ERC2: variants seen among roughly 807,000 people sequenced by gnomAD.
ERC2 encodes ELKS/RAB6-interacting/CAST family member 2.
ERC2 carries 42 observed loss-of-function variants against 114.8 expected under a neutral mutation model. The observed-to-expected ratio is 0.37, with a 90% confidence interval of 0.29 to 0.47. The LOEUF (loss-of-function observed/expected upper bound fraction) is 0.47, where lower values mean the gene tolerates loss of function less well. Ranked by LOEUF, ERC2 falls within the 20% of genes least tolerant of loss-of-function variation. The pLI is 0.99. For missense variants in ERC2, 939 were observed against 1,150.7 expected (o/e 0.82, Z 2.66); for synonymous variants, 454 against 425.5 (o/e 1.07, Z -0.82).
chr3:56,335,504 T>C (rs2057808772), intron 2 of ERC2, among the ~76,000 whole-genome samples: 1 of 152,198 alleles, frequency 6.6e-6, no homozygotes, highest in Admixed American at 6.5e-5. Flanking sequence ...GCAACTCCAG[T>C]GTGCACTGTC....
chr3:55,811,291 G>A lies in ERC2; in HGVS notation c.2565-76373C>T, dbSNP rs185309460. On this transcript the variant is annotated intron_variant, in intron 14 of 17. Transcript: ENST00000288221. ...TGCCTTTTCTTAATTAATCCCAAAC[G>A]CAACCTTGACATTAAAGAACATCAT... Among the ~76,000 whole-genome samples the A allele has an allele frequency of 6.0e-4, 91 of 152,126 alleles. 1 individual carries two copies. In the South Asian group the frequency reaches 9.0e-3, roughly 15 times the overall value.
At chr3:55,915,309 C>T (rs937276330) in intron 13 of ERC2, among the ~76,000 whole-genome samples, 11 of 151,946 alleles carry the variant, frequency 7.2e-5, no homozygotes, top group Admixed American at 2.0e-4. Flanking sequence ...TTACAGAAGA[C>T]GTTTCCATAG....
At chr3:56,195,500 C>CGTGTGTGTGTGTGTGTGT (rs112067114) in intron 3 of ERC2, among the ~76,000 whole-genome samples, 1 of 149,924 alleles carries the variant, frequency 6.7e-6, no homozygotes, top group Non-Finnish European at 1.5e-5. Context: ...TGCGTGTGTG[C>CGTGTGTGTGTGTGTGTGT]GTGTGTGTGT....
chr3:56,450,824 T>G (rs1037201766), intron 1 of ERC2, among the ~76,000 whole-genome samples: 1 of 152,036 alleles, frequency 6.6e-6, no homozygotes, highest in Non-Finnish European at 1.5e-5. Context: ...CAGAGAGACC[T>G]TATCTCTAAA....
At chr3:56,054,601 C>T (rs2075919316) in intron 7 of ERC2, among the ~76,000 whole-genome samples, 1 of 152,166 alleles carries the variant, frequency 6.6e-6, no homozygotes, top group Admixed American at 6.5e-5. Flanking sequence ...TTTCATTCTC[C>T]TAATAATCCT....
chr3:55,993,113 A>G, intron 10 of ERC2, among the ~76,000 whole-genome samples: 1 of 152,156 alleles, frequency 6.6e-6, no homozygotes, highest in African/African-American at 2.4e-5. Context: ...ACAGATAGAA[A>G]TAACACTGCA....
intron 1 of ERC2, among the ~76,000 whole-genome samples, chr3:56,444,312 GA>G (rs1234518357): frequency 1.3e-5 from 2 of 152,024 alleles, no homozygotes; most frequent in Non-Finnish European, 2.9e-5. Context: ...GCAACTGTAA[GA>G]AGGGTAAATT....
intron 2 of ERC2, among the ~76,000 whole-genome samples, chr3:56,426,209 G>T (rs1290984362): frequency 1.3e-5 from 2 of 152,326 alleles, no homozygotes; most frequent in Non-Finnish European, 2.9e-5. Context: ...GTGGAAAGAA[G>T]GGAGCCTGAG....
chr3:55,815,181 T>C lies in ERC2; in HGVS notation c.2564+73208A>G, dbSNP rs2059863119. On this transcript the variant is annotated intron_variant, in intron 14 of 17. Transcript: ENST00000288221. ...AATAACTTCAATTAGGGTTCAAATA[T>C]ACCAAAGATGCCCATTTAGAAATGC... 2.0e-5 allele frequency among the ~76,000 whole-genome samples: 3 copies of C among 151,348 alleles called. No individual in the cohort carries two copies. The South Asian group carries it at 6.3e-4, about 32-fold the overall frequency.
chr3:55,776,454 C>T (rs922052176), intron 14 of ERC2, among the ~76,000 whole-genome samples: 3 of 152,094 alleles, frequency 2.0e-5, no homozygotes, highest in South Asian at 2.1e-4. Flanking sequence ...GCAGGGAAGC[C>T]GCTGAGTGGA....
chr3:56,167,645 A>G (rs978296671), intron 4 of ERC2, among the ~76,000 whole-genome samples: 1 of 152,174 alleles, frequency 6.6e-6, no homozygotes, highest in Non-Finnish European at 1.5e-5. Context: ...TTGGAAAATG[A>G]GAAGATAGAG....
chr3:56,006,578 G>C (rs1165231475), intron 10 of ERC2, among the ~76,000 whole-genome samples: 1 of 152,040 alleles, frequency 6.6e-6, no homozygotes, highest in Admixed American at 6.6e-5. Context: ...CCACAAAAAT[G>C]TCTGGGTCAG....
At chr3:55,780,032 A>G (rs2068914008) in intron 14 of ERC2, among the ~76,000 whole-genome samples, 1 of 152,232 alleles carries the variant, frequency 6.6e-6, no homozygotes, top group South Asian at 2.1e-4. Flanking sequence ...ACTAAGAATA[A>G]GAGCATATCT....
intron 14 of ERC2, among the ~76,000 whole-genome samples, chr3:55,790,925 G>C (rs150610519): frequency 2.0e-3 from 300 of 152,358 alleles, no homozygotes; most frequent in Non-Finnish European, 2.8e-3. Context: ...AAAAGACCAA[G>C]TTCACTTCAA....
At chr3:56,005,353 T>G (rs980071206) in intron 10 of ERC2, among the ~76,000 whole-genome samples, 1 of 152,170 alleles carries the variant, frequency 6.6e-6, no homozygotes, top group East Asian at 1.9e-4. Flanking sequence ...AATTTCAGTG[T>G]GTGGTGTCTA....
chr3:55,971,967 C>T (rs1335564539), intron 12 of ERC2, among the ~76,000 whole-genome samples: 1 of 152,144 alleles, frequency 6.6e-6, no homozygotes, highest in Non-Finnish European at 1.5e-5. Flanking sequence ...GTTACCTCCT[C>T]TCAATTCTTA....
At chr3:56,084,023 A>C (rs1474224609) in intron 6 of ERC2, among the ~76,000 whole-genome samples, 1 of 152,150 alleles carries the variant, frequency 6.6e-6, no homozygotes, top group Non-Finnish European at 1.5e-5. Context: ...AGAAAAAAAA[A>C]GAATAAAGAA....
At chr3:55,733,585 C>CAG (rs1360159340) in intron 15 of ERC2, among the ~76,000 whole-genome samples, 1 of 145,950 alleles carries the variant, frequency 6.9e-6, no homozygotes, top group African/African-American at 2.5e-5. Context: ...CACACACACA[C>CAG]ATTCTCTGTC....
chr3:56,382,382 T>C (rs1232093016), intron 2 of ERC2, among the ~76,000 whole-genome samples: 1 of 152,154 alleles, frequency 6.6e-6, no homozygotes, highest in Non-Finnish European at 1.5e-5. Flanking sequence ...CCTACCATCC[T>C]ATTTCTCTCC....
Sources: gnomAD v4.1 joint callset for allele counts (sites outside exome capture counted in the v4.1 genomes callset) on GRCh38, gnomAD v4.1.1 for gene constraint, MANE v1.5 for transcripts, NCBI Gene and HGNC (gene_info 2026-07-23, HGNC 2026-07-21) for gene names.